Variants in ATG2B observed in about 807,000 individuals in gnomAD.
ATG2B encodes autophagy related 2B.
Under a neutral mutation model 241.3 loss-of-function variants are expected in ATG2B, and 121 were observed. The ratio of observed to expected loss-of-function variants is 0.50; its 90% confidence interval spans 0.43 to 0.58. The LOEUF is 0.58. ATG2B is among the 20% of genes least tolerant of loss of function. The pLI is 0.00. For missense variants in ATG2B, 2,306 were observed against 2,491.6 expected (o/e 0.93, Z 1.59); for synonymous variants, 858 against 876.6 (o/e 0.98, Z 0.37).
chr14:96,309,698 C>G, intron 28 of ATG2B, 104 bp from the exon 29 acceptor site: 1 of 1,122,798 alleles, frequency 8.9e-7, no homozygotes, highest in Non-Finnish European at 1.2e-6. Context: ...ACAAAAACAT[C>G]AGAAATAGAA....
intron 41 of ATG2B, among the ~76,000 whole-genome samples, chr14:96,287,360 A>G (rs925274624): frequency 6.6e-6 from 1 of 152,110 alleles, no homozygotes; most frequent in South Asian, 2.1e-4. Flanking sequence ...CCATGAGCAC[A>G]ACAATGTTTA....
At chr14:96,299,741 T>C (rs1886739560) in intron 34 of ATG2B, among the ~76,000 whole-genome samples, 1 of 152,204 alleles carries the variant, frequency 6.6e-6, no homozygotes, top group African/African-American at 2.4e-5. Context: ...TTGGAAGCAG[T>C]TGCACTTACC....
rs757449419 is a variant in ATG2B at position 96,362,987 on chromosome 14, G to T, written c.-11C>A. On this transcript the variant is annotated 5_prime_UTR_variant, in exon 1 of 42. Transcript: ENST00000359933. ...AAACGGCCAAGGCATAGTGACTGCT[G>T]GCAGCTGGGCTGACTGCGGCTGCGG... 5 of 1,612,736 alleles carry T rather than the reference G, an allele frequency of 3.1e-6. No homozygotes were observed. Among genetic ancestry groups the T allele is most frequent in the Non-Finnish European group, 4.2e-6 (5 of 1,179,782 alleles).
At chr14:96,306,289 A>C (rs1166144057) in intron 30 of ATG2B, among the ~76,000 whole-genome samples, 1 of 151,038 alleles carries the variant, frequency 6.6e-6, no homozygotes, top group African/African-American at 2.4e-5. Flanking sequence ...CAATTCCTGG[A>C]AAGTTTCCAA....
At position 96,305,617 on chromosome 14, in the gene ATG2B, G is replaced by A; in HGVS notation, c.4705C>T (p.Pro1569Ser). 6.2e-7 allele frequency: 1 copy of A among 1,613,288 alleles called. No homozygotes were observed. Among genetic ancestry groups the A allele is most frequent in the Non-Finnish European group, 8.5e-7 (1 of 1,179,312 alleles). The change falls in exon 31 of 42, where the codon CCT becomes TCT. Residue 1569 changes from proline to serine, a missense_variant. Coordinates refer to ENST00000359933, the MANE Select transcript of ATG2B (RefSeq NM_018036.7). ...LYGGKDFGIV[P>S]PTSPAKSYIS... ...TAACTTTTAGCCGGAGAAGTGGGAG[G>A]GACTATTCCAAAATCCTTTCCTCCA...
At chr14:96,317,463 C>T (rs1887346300) in intron 19 of ATG2B, 146 bp from the exon 20 acceptor site, 1 of 785,346 alleles carries the variant, frequency 1.3e-6, no homozygotes, top group South Asian at 2.1e-5. Flanking sequence ...TTCTCTTTAG[C>T]TTTGAACTTC....
Position 96,285,828 on chromosome 14 carries a change from C to G in ATG2B, c.6164G>C (p.Gly2055Ala), listed in dbSNP as rs373208072. ...VATEATSNVL[G>A]GMRNQIRPDV... ...TGGCCTAATTTGGTTTCTCATGCCA[C>G]CCAGCACGTTTGACGTTGCTTCTGT... Residue 2055 changes from glycine to alanine, a missense_variant, in exon 42 of 42, where the codon GGT (glycine) becomes GCT (alanine). By Grantham distance (60) the Gly-to-Ala change is moderately conservative. Transcript: ENST00000359933. This position sits in a 1 kb window ranked among gnomAD's most constrained non-coding sequence, Gnocchi z 4.2. 3 of 1,614,034 alleles carry G rather than the reference C, an allele frequency of 1.9e-6. No homozygotes were observed. Among genetic ancestry groups the G allele is most frequent in the Non-Finnish European group, 2.5e-6 (3 of 1,180,036 alleles).
At chr14:96,324,840 C>A (rs909279102) in intron 15 of ATG2B, among the ~76,000 whole-genome samples, 1 of 151,896 alleles carries the variant, frequency 6.6e-6, no homozygotes, top group Non-Finnish European at 1.5e-5. Context: ...TTTTAAATAC[C>A]TCTTAAGATA....
chr14:96,312,212 T>G, intron 25 of ATG2B, 53 bp from the exon 26 acceptor site: 1 of 1,254,998 alleles, frequency 8.0e-7, no homozygotes. Context: ...TTGAGTATCA[T>G]ACCCCATAAT....
At chr14:96,317,952 A>AT (rs1887360263) in intron 18 of ATG2B, 97 bp from the exon 19 acceptor site, 1 of 937,378 alleles carries the variant, frequency 1.1e-6, no homozygotes, top group Admixed American at 2.8e-5. Context: ...ATGAACAATA[A>AT]TTTTTTAAAC....
chr14:96,361,879 T>A (rs553763873), intron 1 of ATG2B, among the ~76,000 whole-genome samples: 2 of 152,206 alleles, frequency 1.3e-5, no homozygotes, highest in African/African-American at 4.8e-5. Context: ...CGCTTAAGGG[T>A]CATAATAAGG....
At chr14:96,333,539 A>T in intron 8 of ATG2B, 149 bp downstream of exon 8, 1 of 691,584 alleles carries the variant, frequency 1.4e-6, no homozygotes, top group Non-Finnish European at 2.4e-6. Context: ...TGATTAGATT[A>T]ATCGTAAATT....
intron 5 of ATG2B, 126 bp downstream of exon 5, chr14:96,342,993 T>C: frequency 3.3e-6 from 2 of 615,232 alleles, no homozygotes; most frequent in Non-Finnish European, 5.2e-6. Flanking sequence ...TACTGAATAT[T>C]TGCATTAAAT....
chr14:96,325,800 T>A lies in ATG2B; in HGVS notation c.2286A>T (p.Arg762=). ...ACCATGGTCCTCTTTCTTGATCAGA[T>A]CGAAGATCAGGTATTGGGAAGCGAA... ...LSVRFPIPDL[R]SDQERGPWFK... The change falls in exon 15 of 42, where the codon CGA becomes CGT. Residue 762 remains arginine, a synonymous_variant. Transcript: ENST00000359933. 1.2e-6 allele frequency: 2 copies of A among 1,614,024 alleles called. No homozygotes were observed. The highest frequency in any genetic ancestry group is 1.7e-4 in the Middle Eastern group (1 of 6,060).
At chr14:96,358,222 G>T (rs1888530651) in intron 1 of ATG2B, among the ~76,000 whole-genome samples, 1 of 152,154 alleles carries the variant, frequency 6.6e-6, no homozygotes, top group African/African-American at 2.4e-5. Flanking sequence ...GATCACTTGA[G>T]CCCAGGAGGT....
chr14:96,291,518 G>A, intron 38 of ATG2B, 82 bp downstream of exon 38: 1 of 1,025,468 alleles, frequency 9.8e-7, no homozygotes, highest in Non-Finnish European at 1.5e-6. Flanking sequence ...GTGTATGCAT[G>A]CTAAGAAAAC....
At chr14:96,287,180 G>T (rs1048070200) in intron 41 of ATG2B, among the ~76,000 whole-genome samples, 3 of 148,520 alleles carry the variant, frequency 2.0e-5, no homozygotes, top group African/African-American at 7.6e-5. Context: ...GCGTGAACCA[G>T]GAGGCAGAGC....
chr14:96,309,531 A>G lies in ATG2B; in HGVS notation c.4225T>C (p.Leu1409=), dbSNP rs1566720406. 1 of 1,614,122 alleles carries G rather than the reference A, an allele frequency of 6.2e-7. No homozygotes were observed. The highest frequency in any genetic ancestry group is 8.5e-7 in the Non-Finnish European group (1 of 1,180,004). ...PVLPEADQQM[L]RDLMSDAMEE... ...ATAGCATCACTCATCAGATCTCGTA[A>G]CATTTGTTGATCTGCTTCAGGAAGT... The change falls in exon 29 of 42, where the codon TTA becomes CTA. Residue 1409 remains leucine (L), a synonymous_variant. Transcript: ENST00000359933.
Position 96,362,979 on chromosome 14 carries a change from T to C in ATG2B, c.-3A>G, listed in dbSNP as rs971761869. 19 of 1,613,110 alleles carry C rather than the reference T, an allele frequency of 1.2e-5. No homozygotes were observed. In the African/African-American group the frequency reaches 1.3e-4, roughly 11 times the overall value. ...GACTCCGAAAACGGCCAAGGCATAG[T>C]GACTGCTGGCAGCTGGGCTGACTGC... On this transcript the variant is annotated 5_prime_UTR_variant, in exon 1 of 42. Coordinates refer to ENST00000359933, the MANE Select transcript of ATG2B (RefSeq NM_018036.7).
Sources: gnomAD v4.1 joint callset for allele counts (sites outside exome capture counted in the v4.1 genomes callset) on GRCh38, gnomAD v4.1.1 for gene constraint, Gnocchi (gnomAD v3.1) non-coding constraint, MANE v1.5 for transcripts, NCBI Gene and HGNC (gene_info 2026-07-23, HGNC 2026-07-21) for gene names.